The following KCNIP4 variants were observed in gnomAD, a reference collection of about 807,000 sequenced individuals.
The protein encoded by KCNIP4 is Kv channel-interacting protein 4.
In KCNIP4, 12 loss-of-function variants were observed where a neutral mutation model predicts 34.0. That is an observed-to-expected ratio of 0.35 (90% confidence interval 0.23 to 0.57). The LOEUF is 0.57. Ranked by LOEUF, KCNIP4 falls within the 20% of genes least tolerant of loss-of-function variation. KCNIP4 has a pLI of 0.83. For synonymous variants in KCNIP4, 124 were observed against 102.2 expected (o/e 1.21, Z -1.29); for missense variants, 238 against 311.7 (o/e 0.76, Z 1.78).
intron 1 of KCNIP4, among the ~76,000 whole-genome samples, chr4:20,895,353 G>A (rs1192870000): frequency 1.3e-5 from 2 of 152,162 alleles, no homozygotes; most frequent in Non-Finnish European, 2.9e-5. Flanking sequence ...TCAAATTCCT[G>A]GTGGTATTAA....
intron 1 of KCNIP4, among the ~76,000 whole-genome samples, chr4:20,966,933 T>C (rs757289041): frequency 1.5e-4 from 23 of 152,244 alleles, no homozygotes; most frequent in Middle Eastern, 3.4e-3. Context: ...ATTTTCATCT[T>C]ATGGGCAGGA....
intron 1 of KCNIP4, among the ~76,000 whole-genome samples, chr4:21,047,925 C>G (rs35579270): frequency 0.19 from 29,633 of 152,106 alleles, 3,207 homozygotes; most frequent in Non-Finnish European, 0.25. Flanking sequence ...CATGTAAATT[C>G]AGCAATCACA....
rs557517296 is a variant in KCNIP4 at position 21,146,046 on chromosome 4, C to T, written c.62-263337G>A. ...TAATTAGCTTTACAAAGTCTATCAT[C>T]GAAAATATTGTTTTAGATTCTTTGA... On this transcript the variant is annotated intron_variant, in intron 1 of 8. Transcript: ENST00000382152. Among the ~76,000 whole-genome samples the T allele has an allele frequency of 9.2e-5, 14 of 152,182 alleles. No individual in the cohort carries two copies. In the South Asian group the frequency reaches 2.1e-3, roughly 23 times the overall value.
intron 1 of KCNIP4, among the ~76,000 whole-genome samples, chr4:21,326,224 A>G (rs1235269641): frequency 1.3e-5 from 2 of 151,654 alleles, no homozygotes; most frequent in Non-Finnish European, 3.0e-5. Flanking sequence ...GTATTGGGGT[A>G]TATCTGCCAT....
intron 1 of KCNIP4, among the ~76,000 whole-genome samples, chr4:21,297,102 GTATATA>G (rs35254813): frequency 2.1e-5 from 3 of 144,316 alleles, no homozygotes; most frequent in African/African-American, 7.6e-5. Context: ...TCAAATATGT[GTATATA>G]TATATATATA....
At chr4:21,460,547 A>G (rs1460487) in intron 1 of KCNIP4, among the ~76,000 whole-genome samples, 92,982 of 151,890 alleles carry the variant, frequency 0.61, 28,951 homozygotes, top group Non-Finnish European at 0.68. Flanking sequence ...TCTATTCCTG[A>G]CTTACAGTCA....
At chr4:20,805,069 G>T (rs1295788762) in intron 3 of KCNIP4, among the ~76,000 whole-genome samples, 1 of 152,004 alleles carries the variant, frequency 6.6e-6, no homozygotes, top group Non-Finnish European at 1.5e-5. Flanking sequence ...AGTAGGTAGT[G>T]GTAGGTCAGG....
chr4:20,936,321 C>T (rs540927013), intron 1 of KCNIP4, among the ~76,000 whole-genome samples: 1 of 152,238 alleles, frequency 6.6e-6, no homozygotes, highest in African/African-American at 2.4e-5. Flanking sequence ...GACTACCTAA[C>T]ACAACCATAG....
intron 1 of KCNIP4, among the ~76,000 whole-genome samples, chr4:21,165,574 T>C (rs1753572436): frequency 6.6e-6 from 1 of 151,306 alleles, no homozygotes; most frequent in African/African-American, 2.4e-5. Flanking sequence ...TAGATCTAAA[T>C]ATAAAATGAT....
intron 1 of KCNIP4, among the ~76,000 whole-genome samples, chr4:21,038,352 C>G (rs535519465): frequency 1.3e-5 from 2 of 152,152 alleles, no homozygotes; most frequent in Non-Finnish European, 2.9e-5. Flanking sequence ...ATTCCATTAT[C>G]TCTTGCTTTT....
At chr4:21,642,069 C>T (rs1746655328) in intron 1 of KCNIP4, among the ~76,000 whole-genome samples, 2 of 152,190 alleles carry the variant, frequency 1.3e-5, no homozygotes, top group South Asian at 4.1e-4. Context: ...GCCAACACTA[C>T]CTACTATCTA....
intron 1 of KCNIP4, among the ~76,000 whole-genome samples, chr4:20,960,745 A>G (rs951508075): frequency 6.6e-6 from 1 of 152,234 alleles, no homozygotes; most frequent in Non-Finnish European, 1.5e-5. Flanking sequence ...CCATTAGTGA[A>G]CCAGAAATGA....
At chr4:20,914,829 A>T (rs563564611) in intron 1 of KCNIP4, among the ~76,000 whole-genome samples, 35 of 152,210 alleles carry the variant, frequency 2.3e-4, no homozygotes, top group Non-Finnish European at 4.3e-4. Context: ...TTAGTTGAAA[A>T]CATACCAAGA....
intron 1 of KCNIP4, among the ~76,000 whole-genome samples, chr4:21,811,345 T>A (rs1163495863): frequency 6.6e-6 from 1 of 152,198 alleles, no homozygotes. Context: ...CAGTACTATA[T>A]AAGGATTTGG....
chr4:21,072,708 G>A (rs1315817953), intron 1 of KCNIP4, among the ~76,000 whole-genome samples: 1 of 152,106 alleles, frequency 6.6e-6, no homozygotes, highest in African/African-American at 2.4e-5. Context: ...TTTTAAACAT[G>A]AAGTCCTTGC....
chr4:20,820,626 C>G (rs927131899), intron 3 of KCNIP4, among the ~76,000 whole-genome samples: 1 of 152,124 alleles, frequency 6.6e-6, no homozygotes, highest in Non-Finnish European at 1.5e-5. Context: ...AAGCCAGATG[C>G]AATTCAGCAA....
chr4:21,756,249 T>TG (rs1485548589), intron 1 of KCNIP4, among the ~76,000 whole-genome samples: 1 of 152,174 alleles, frequency 6.6e-6, no homozygotes, highest in Non-Finnish European at 1.5e-5. Flanking sequence ...TTAAAATAGT[T>TG]GAAGTATTAT....
At chr4:20,974,590 TAA>T (rs1466595826) in intron 1 of KCNIP4, among the ~76,000 whole-genome samples, 1 of 152,152 alleles carries the variant, frequency 6.6e-6, no homozygotes, top group East Asian at 1.9e-4. Context: ...TGCTCAGTGC[TAA>T]AAGTGTTGCT....
At chr4:21,268,332 T>C (rs1385745467) in intron 1 of KCNIP4, among the ~76,000 whole-genome samples, 2 of 152,196 alleles carry the variant, frequency 1.3e-5, no homozygotes, top group Non-Finnish European at 2.9e-5. Flanking sequence ...CAGGTTTTAC[T>C]GATCTTTTAA....
Sources: gnomAD v4.1 joint callset for allele counts (sites outside exome capture counted in the v4.1 genomes callset) on GRCh38, gnomAD v4.1.1 for gene constraint, MANE v1.5 for transcripts, NCBI Gene and HGNC (gene_info 2026-07-23, HGNC 2026-07-21) for gene names.